PTPRD: variants seen among roughly 807,000 people sequenced by gnomAD.
PTPRD encodes the protein receptor-type tyrosine-protein phosphatase delta.
In PTPRD, 34 loss-of-function variants were observed where a neutral mutation model predicts 214.5. The ratio of observed to expected loss-of-function variants is 0.16; its 90% confidence interval spans 0.12 to 0.21. The LOEUF (loss-of-function observed/expected upper bound fraction) is 0.21. PTPRD is among the 10% of genes least tolerant of loss of function. The probability of loss-of-function intolerance (pLI) is 1.00; values close to 1 mark genes in which losing one functional copy is unlikely to be tolerated. For synonymous variants in PTPRD, 1,128 were observed against 845.7 expected (o/e 1.33, Z -5.79); for missense variants, 2,545 against 2,398.7 (o/e 1.06, Z -1.27).
intron 31 of PTPRD, 84 bp from the exon 32 acceptor site, chr9:8,465,759 G>T (rs1055336219): frequency 2.5e-6 from 3 of 1,191,764 alleles, no homozygotes; most frequent in African/African-American, 3.1e-5. Context: ...AATTAATTCA[G>T]AACTGGGAAC....
intron 3 of PTPRD, among the ~76,000 whole-genome samples, chr9:10,299,065 G>A (rs760873887): frequency 6.6e-6 from 1 of 152,058 alleles, no homozygotes; most frequent in Non-Finnish European, 1.5e-5. Context: ...GTCTGATAAT[G>A]TAGTAAATGT....
intron 36 of PTPRD, among the ~76,000 whole-genome samples, chr9:8,400,811 TACTC>T (rs2092267633): frequency 6.6e-6 from 1 of 152,146 alleles, no homozygotes; most frequent in Non-Finnish European, 1.5e-5. Context: ...TCTAGTAAAA[TACTC>T]ACACTGCCGC....
intron 5 of PTPRD, among the ~76,000 whole-genome samples, chr9:9,798,728 G>T (rs917506345): frequency 1.3e-5 from 2 of 152,148 alleles, no homozygotes; most frequent in East Asian, 3.8e-4. Context: ...AGAACAAGAA[G>T]GAAATAAAGT....
intron 3 of PTPRD, among the ~76,000 whole-genome samples, chr9:10,143,306 A>C (rs189486335): frequency 8.5e-5 from 13 of 152,150 alleles, no homozygotes; most frequent in Admixed American, 7.9e-4. Context: ...AAATAAAAAA[A>C]TAAATGCTCA....
intron 11 of PTPRD, among the ~76,000 whole-genome samples, chr9:8,741,150 G>C (rs1000392298): frequency 2.0e-5 from 3 of 151,884 alleles, no homozygotes; most frequent in Non-Finnish European, 4.4e-5. Flanking sequence ...AACTTTGATT[G>C]TTTCTTTCTC....
At chr9:9,667,710 G>T (rs1222816716) in intron 7 of PTPRD, among the ~76,000 whole-genome samples, 2 of 152,078 alleles carry the variant, frequency 1.3e-5, no homozygotes, top group Non-Finnish European at 2.9e-5. Flanking sequence ...TTAGAGAACT[G>T]GTCACCAAGC....
intron 5 of PTPRD, among the ~76,000 whole-genome samples, chr9:9,879,376 A>G (rs1443081939): frequency 6.6e-6 from 1 of 152,208 alleles, no homozygotes; most frequent in African/African-American, 2.4e-5. Flanking sequence ...GCCTCTAGGT[A>G]GAATTGAATC....
intron 44 of PTPRD, among the ~76,000 whole-genome samples, chr9:8,321,842 G>T (rs1828630366): frequency 6.6e-6 from 1 of 151,890 alleles, no homozygotes; most frequent in African/African-American, 2.4e-5. Flanking sequence ...ACTTTATGGA[G>T]TTTTGCAGAT....
At chr9:8,765,535 C>T (rs2094672537) in intron 11 of PTPRD, among the ~76,000 whole-genome samples, 1 of 152,102 alleles carries the variant, frequency 6.6e-6, no homozygotes, top group Non-Finnish European at 1.5e-5. Flanking sequence ...TGCCAAAAGC[C>T]AAGTAGCAGA....
chr9:10,233,768 A>G (rs2099620120), intron 3 of PTPRD, among the ~76,000 whole-genome samples: 1 of 151,974 alleles, frequency 6.6e-6, no homozygotes, highest in African/African-American at 2.4e-5. Context: ...AATTCGTATA[A>G]CAGACAACAT....
chr9:9,801,424 C>T lies in PTPRD; in HGVS notation c.-367-34573G>A, dbSNP rs1598249711. Among the ~76,000 whole-genome samples the T allele has an allele frequency of 2.6e-5, 4 of 152,096 alleles. No individual in the cohort carries two copies. In the South Asian group the frequency reaches 8.3e-4, roughly 32 times the overall value. ...AATGGGATTTTCCTTTTGTCAAAGGCTGCCCTTCTATAACCTGTTCTGAGT... is the reference window on the plus strand; with the variant it reads ...AATGGGATTTTCCTTTTGTCAAAGGTTGCCCTTCTATAACCTGTTCTGAGT... On this transcript the variant is annotated intron_variant, in intron 5 of 45. Transcript: ENST00000381196.
At chr9:10,354,009 G>A (rs990779912) in intron 2 of PTPRD, among the ~76,000 whole-genome samples, 1 of 152,026 alleles carries the variant, frequency 6.6e-6, no homozygotes, top group Non-Finnish European at 1.5e-5. Flanking sequence ...GAACTTCCAT[G>A]CACTCAAAAC....
chr9:9,675,512 TAA>T (rs1481593132), intron 7 of PTPRD, among the ~76,000 whole-genome samples: 2 of 151,800 alleles, frequency 1.3e-5, no homozygotes, highest in Non-Finnish European at 2.9e-5. Context: ...GGTCAGATTT[TAA>T]AAGAGACTAC....
At chr9:10,447,299 TA>T (rs1219241769) in intron 2 of PTPRD, among the ~76,000 whole-genome samples, 2 of 152,142 alleles carry the variant, frequency 1.3e-5, no homozygotes, top group African/African-American at 4.8e-5. Flanking sequence ...TCATGGAAGT[TA>T]ATGAGAAGAC....
At chr9:9,841,429 G>C (rs1274441989) in intron 5 of PTPRD, among the ~76,000 whole-genome samples, 1 of 151,998 alleles carries the variant, frequency 6.6e-6, no homozygotes, top group Non-Finnish European at 1.5e-5. Context: ...GTTACTCTTT[G>C]ATTTGGGATA....
At chr9:9,162,155 T>A (rs182280148) in intron 10 of PTPRD, among the ~76,000 whole-genome samples, 1 of 152,242 alleles carries the variant, frequency 6.6e-6, no homozygotes, top group East Asian at 1.9e-4. Context: ...ACAGTGAGAT[T>A]TTTTCTTATG....
intron 11 of PTPRD, among the ~76,000 whole-genome samples, chr9:8,791,705 G>T (rs1392348077): frequency 2.0e-5 from 3 of 151,804 alleles, no homozygotes; most frequent in African/African-American, 7.3e-5. Context: ...CATGAGATTT[G>T]AGGGGAAAGA....
chr9:10,516,642 C>G (rs2050211652), intron 2 of PTPRD, among the ~76,000 whole-genome samples: 1 of 151,938 alleles, frequency 6.6e-6, no homozygotes, highest in Admixed American at 6.6e-5. Flanking sequence ...CATGAAATCA[C>G]TGACAAGGCT....
chr9:8,505,113 T>C (rs2097514241), intron 22 of PTPRD, among the ~76,000 whole-genome samples: 1 of 152,204 alleles, frequency 6.6e-6, no homozygotes, highest in South Asian at 2.1e-4. Context: ...TTGTGGACTT[T>C]TGATATACGA....
Sources: gnomAD v4.1 joint callset for allele counts (sites outside exome capture counted in the v4.1 genomes callset) on GRCh38, gnomAD v4.1.1 for gene constraint, MANE v1.5 for transcripts, NCBI Gene and HGNC (gene_info 2026-07-23, HGNC 2026-07-21) for gene names.